Variants in MAPK10 observed in about 807,000 individuals in gnomAD.
MAPK10 encodes JNK3 alpha protein kinase.
In MAPK10, 25 loss-of-function variants were observed where a neutral mutation model predicts 59.3. The ratio of observed to expected loss-of-function variants is 0.42; its 90% CI spans 0.31 to 0.59. The LOEUF (loss-of-function observed/expected upper bound fraction) is 0.59. MAPK10 is among the 20% of genes least tolerant of loss of function. The probability of loss-of-function intolerance (pLI) is 0.15; values close to 1 mark genes in which losing one functional copy is unlikely to be tolerated. For missense variants in MAPK10, 351 were observed against 568.9 expected (o/e 0.62, Z 3.90); for synonymous variants, 190 against 200.5 (o/e 0.95, Z 0.44).
chr4:86,297,800 A>C (rs1426302469), intron 2 of MAPK10, among the ~76,000 whole-genome samples: 1 of 152,208 alleles, frequency 6.6e-6, no homozygotes, highest in Non-Finnish European at 1.5e-5. Flanking sequence ...TGTCAAACAT[A>C]AATCTGGTCA....
At chr4:86,368,697 G>A (rs763206931) in intron 1 of MAPK10, among the ~76,000 whole-genome samples, 1 of 152,076 alleles carries the variant, frequency 6.6e-6, no homozygotes, top group Non-Finnish European at 1.5e-5. Context: ...GTCCCTTTGT[G>A]GTTAAACGTA....
chr4:86,580,631 G>A (rs1218406876), intron 1 of MAPK10, among the ~76,000 whole-genome samples: 3 of 151,996 alleles, frequency 2.0e-5, no homozygotes, highest in Admixed American at 6.6e-5. Context: ...AAAATCCTGA[G>A]ATAGTCAAAG....
intron 2 of MAPK10, among the ~76,000 whole-genome samples, chr4:86,194,645 TAAGA>T (rs1041857250): frequency 9.2e-5 from 14 of 152,020 alleles, no homozygotes; most frequent in African/African-American, 3.4e-4. Context: ...AGATTAGATA[TAAGA>T]AAGTGGACAT....
At chr4:86,471,721 T>C (rs939034974) in intron 1 of MAPK10, among the ~76,000 whole-genome samples, 3 of 152,234 alleles carry the variant, frequency 2.0e-5, no homozygotes, top group African/African-American at 4.8e-5. Flanking sequence ...TGAAAGATAT[T>C]TTTTGCCTGC....
intron 2 of MAPK10, among the ~76,000 whole-genome samples, chr4:86,227,209 C>T (rs1180689185): frequency 1.3e-5 from 2 of 151,994 alleles, no homozygotes; most frequent in African/African-American, 4.8e-5. Flanking sequence ...AAGACACGGC[C>T]GGGTGGGGTG....
intron 2 of MAPK10, among the ~76,000 whole-genome samples, chr4:86,256,880 A>G (rs1220425918): frequency 6.6e-6 from 1 of 150,516 alleles, no homozygotes; most frequent in East Asian, 1.9e-4. Context: ...AGCTGGGACT[A>G]CAGGCGCCCG....
At chr4:86,414,578 C>A (rs1381304348) in intron 1 of MAPK10, among the ~76,000 whole-genome samples, 1 of 152,280 alleles carries the variant, frequency 6.6e-6, no homozygotes, top group East Asian at 1.9e-4. Flanking sequence ...ATATATTGAT[C>A]AAATTATGCC....
intron 9 of MAPK10, among the ~76,000 whole-genome samples, chr4:86,075,999 GGGGCC>G (rs2049299428): frequency 2.6e-5 from 4 of 151,808 alleles, no homozygotes; most frequent in Middle Eastern, 3.4e-3. Context: ...CAGCCCTCCT[GGGGCC>G]TTGCAGTTTG....
chr4:86,202,551 T>C (rs79799464), intron 2 of MAPK10, among the ~76,000 whole-genome samples: 6 of 151,890 alleles, frequency 4.0e-5, no homozygotes, highest in African/African-American at 1.2e-4. Context: ...TATCTCCTCA[T>C]ATTGAAACCT....
At chr4:86,469,010 G>A (rs181312889) in intron 1 of MAPK10, among the ~76,000 whole-genome samples, 2 of 152,268 alleles carry the variant, frequency 1.3e-5, no homozygotes, top group Non-Finnish European at 2.9e-5. Context: ...GTTAAATCTG[G>A]GAAAGCAAAG....
intron 1 of MAPK10, among the ~76,000 whole-genome samples, chr4:86,528,700 A>G (rs1757653780): frequency 6.6e-6 from 1 of 152,084 alleles, no homozygotes; most frequent in Non-Finnish European, 1.5e-5. Flanking sequence ...GTACCACCAC[A>G]CCCAACTTAG....
intron 1 of MAPK10, among the ~76,000 whole-genome samples, chr4:86,382,920 T>C (rs1275599949): frequency 6.6e-6 from 1 of 152,188 alleles, no homozygotes; most frequent in African/African-American, 2.4e-5. Flanking sequence ...ACTTGCTGTG[T>C]GACCTTGAGT....
At chr4:86,113,263 C>A in intron 4 of MAPK10, among the ~76,000 whole-genome samples, 1 of 152,026 alleles carries the variant, frequency 6.6e-6, no homozygotes. Flanking sequence ...CATCATGATG[C>A]TGGCTGGTTA....
chr4:86,351,249 G>T (rs1052317585), intron 2 of MAPK10, among the ~76,000 whole-genome samples: 1 of 151,284 alleles, frequency 6.6e-6, no homozygotes, highest in Non-Finnish European at 1.5e-5. Context: ...CACAATATCT[G>T]TATTTTATAT....
chr4:86,205,275 TC>T (rs2083545737), intron 2 of MAPK10, among the ~76,000 whole-genome samples: 1 of 151,728 alleles, frequency 6.6e-6, no homozygotes. Flanking sequence ...AAAGAGAAAC[TC>T]CCCAAGAAAA....
At chr4:86,350,668 A>T (rs2148960534) in intron 2 of MAPK10, among the ~76,000 whole-genome samples, 1 of 152,326 alleles carries the variant, frequency 6.6e-6, no homozygotes, top group East Asian at 1.9e-4. Flanking sequence ...GGCATGTCTT[A>T]AGGAAAAGGG....
chr4:86,351,910 A>G (rs972503977), intron 2 of MAPK10, among the ~76,000 whole-genome samples: 2 of 152,222 alleles, frequency 1.3e-5, no homozygotes, highest in African/African-American at 2.4e-5. Context: ...GGTACTTCAC[A>G]AAAGACGAAA....
At chr4:86,295,082 G>C (rs1274699659) in intron 2 of MAPK10, among the ~76,000 whole-genome samples, 5 of 152,156 alleles carry the variant, frequency 3.3e-5, no homozygotes, top group African/African-American at 7.2e-5. Flanking sequence ...CCAAAATACA[G>C]CATAAAATCA....
chr4:86,226,664 C>G (rs1361570988), intron 2 of MAPK10, among the ~76,000 whole-genome samples: 1 of 152,110 alleles, frequency 6.6e-6, no homozygotes, highest in Non-Finnish European at 1.5e-5. Flanking sequence ...AAGAGGAAGT[C>G]ATCACCTTAA....
Sources: allele counts gnomAD v4.1 joint callset (sites outside exome capture counted in the v4.1 genomes callset), GRCh38; gene constraint gnomAD v4.1.1; transcripts MANE v1.5; gene names NCBI Gene and HGNC (gene_info 2026-07-23, HGNC 2026-07-21).